Variants in CSMD1 observed in about 807,000 individuals in gnomAD.
CSMD1 encodes CUB and sushi domain-containing protein 1.
CSMD1 carries 213 observed loss-of-function variants against 417.5 expected under a neutral mutation model. The observed-to-expected ratio is 0.51, with a 90% CI of 0.46 to 0.57. The LOEUF is 0.57. Among genes scored for constraint, CSMD1 ranks in the 20% least tolerant of loss-of-function variants. The pLI, the probability that CSMD1 is intolerant of heterozygous loss-of-function variation, is 0.00. For synonymous variants in CSMD1, 2,862 were observed against 1,736.8 expected, an observed-to-expected ratio of 1.65 and a Z score of -16.11; for missense variants, 6,923 against 4,529.7, an observed-to-expected ratio of 1.53 and a Z score of -15.17.
At chr8:3,220,713 C>T (rs1798159109) in intron 28 of CSMD1, among the ~76,000 whole-genome samples, 1 of 152,106 alleles carries the variant, frequency 6.6e-6, no homozygotes, top group African/African-American at 2.4e-5. Context: ...CACCTGTAGT[C>T]CCAGCTGCTC....
At chr8:4,422,234 A>G (rs1039502913) in intron 2 of CSMD1, among the ~76,000 whole-genome samples, 12 of 151,082 alleles carry the variant, frequency 7.9e-5, no homozygotes, top group Admixed American at 2.0e-4. Flanking sequence ...CACTAATTCT[A>G]CACAGTCTCT....
chr8:4,905,683 G>A (rs568620490), intron 1 of CSMD1, among the ~76,000 whole-genome samples: 177 of 151,926 alleles, frequency 1.2e-3, no homozygotes, highest in Non-Finnish European at 1.8e-3. Flanking sequence ...AGCCGGGCGT[G>A]GTGGCGGGCG....
At chr8:3,198,307 G>A (rs1254679329) in intron 33 of CSMD1, among the ~76,000 whole-genome samples, 3 of 152,152 alleles carry the variant, frequency 2.0e-5, no homozygotes, top group Non-Finnish European at 4.4e-5. Context: ...GAGAAAAAAT[G>A]TTGAGGCAGC....
At chr8:3,977,698 T>C (rs1404475469) in intron 5 of CSMD1, among the ~76,000 whole-genome samples, 1 of 152,204 alleles carries the variant, frequency 6.6e-6, no homozygotes, top group Non-Finnish European at 1.5e-5. Context: ...CAACTTTCTC[T>C]TTCTGTCATA....
At chr8:3,141,971 G>A (rs149657590) in intron 41 of CSMD1, among the ~76,000 whole-genome samples, 1,640 of 151,976 alleles carry the variant, frequency 0.011, 22 homozygotes, top group African/African-American at 0.037. Context: ...CTAATTTTTG[G>A]TATTTTTAGT....
At chr8:3,599,882 T>C (rs918026053) in intron 8 of CSMD1, among the ~76,000 whole-genome samples, 4 of 152,178 alleles carry the variant, frequency 2.6e-5, no homozygotes, top group Admixed American at 2.0e-4. Flanking sequence ...TGGAGTGAGA[T>C]GGTTGACTAC....
At chr8:4,470,359 A>C (rs1379037143) in intron 2 of CSMD1, among the ~76,000 whole-genome samples, 1 of 152,152 alleles carries the variant, frequency 6.6e-6, no homozygotes, top group African/African-American at 2.4e-5. Context: ...TTCAACTCCC[A>C]ATGCTTCCTC....
intron 5 of CSMD1, among the ~76,000 whole-genome samples, chr8:3,916,022 C>T (rs989386917): frequency 4.6e-5 from 7 of 151,564 alleles, no homozygotes; most frequent in Non-Finnish European, 7.4e-5. Flanking sequence ...GAAAATGTCA[C>T]TGCAGACACA....
intron 11 of CSMD1, among the ~76,000 whole-genome samples, chr8:3,477,888 G>C (rs1400688716): frequency 6.6e-6 from 1 of 152,122 alleles, no homozygotes; most frequent in African/African-American, 2.4e-5. Context: ...CCACTGCAGA[G>C]GGCCAGGGCA....
At chr8:4,318,528 C>T (rs918005259) in intron 3 of CSMD1, among the ~76,000 whole-genome samples, 2 of 151,944 alleles carry the variant, frequency 1.3e-5, no homozygotes, top group African/African-American at 4.8e-5. Context: ...TGAGTAAGTA[C>T]TGATTAATAA....
At chr8:4,426,898 G>T (rs191243316) in intron 2 of CSMD1, among the ~76,000 whole-genome samples, 1 of 151,760 alleles carries the variant, frequency 6.6e-6, no homozygotes, top group Admixed American at 6.6e-5. Context: ...TCAGATGTCA[G>T]GTGTTTCAGC....
intron 7 of CSMD1, among the ~76,000 whole-genome samples, chr8:3,642,385 G>A (rs114241245): frequency 6.6e-6 from 1 of 152,076 alleles, no homozygotes; most frequent in Non-Finnish European, 1.5e-5. Flanking sequence ...ATAACCTTAA[G>A]TCCACTTTCC....
At chr8:3,691,130 G>T (rs1046055156) in intron 7 of CSMD1, among the ~76,000 whole-genome samples, 1 of 152,114 alleles carries the variant, frequency 6.6e-6, no homozygotes, top group Non-Finnish European at 1.5e-5. Context: ...ACTTTGGGAG[G>T]CCGGGGCAGG....
At chr8:4,040,134 G>T (rs563514429) in intron 3 of CSMD1, among the ~76,000 whole-genome samples, 1 of 152,204 alleles carries the variant, frequency 6.6e-6, no homozygotes, top group South Asian at 2.1e-4. Context: ...ATTTTTAAAG[G>T]GTATGAGAGT....
chr8:4,493,506 G>A (rs1801827615), intron 2 of CSMD1, among the ~76,000 whole-genome samples: 1 of 152,000 alleles, frequency 6.6e-6, no homozygotes. Flanking sequence ...GAACACCCTG[G>A]GTAACATATT....
intron 67 of CSMD1, among the ~76,000 whole-genome samples, chr8:2,949,836 G>T (rs1382053655): frequency 2.0e-5 from 3 of 152,072 alleles, no homozygotes; most frequent in Non-Finnish European, 2.9e-5. Flanking sequence ...GGTGTTAAGG[G>T]GGATGTCTTA....
chr8:4,130,288 C>A (rs572042615), intron 3 of CSMD1, among the ~76,000 whole-genome samples: 1 of 152,140 alleles, frequency 6.6e-6, no homozygotes, highest in Non-Finnish European at 1.5e-5. Flanking sequence ...ATTAGTTTAA[C>A]ATCTTTATTC....
chr8:4,280,318 G>A (rs1796709139), intron 3 of CSMD1, among the ~76,000 whole-genome samples: 1 of 152,088 alleles, frequency 6.6e-6, no homozygotes, highest in African/African-American at 2.4e-5. Context: ...GAAAGAGAGT[G>A]GATATGTTAC....
At chr8:4,060,558 A>T (rs1798919340) in intron 3 of CSMD1, among the ~76,000 whole-genome samples, 1 of 152,292 alleles carries the variant, frequency 6.6e-6, no homozygotes, top group African/African-American at 2.4e-5. Flanking sequence ...AATGGTTAAC[A>T]GTGCGAATGA....
Sources: gnomAD v4.1 joint callset for allele counts (sites outside exome capture counted in the v4.1 genomes callset) on GRCh38, gnomAD v4.1.1 for gene constraint, MANE v1.5 for transcripts, NCBI Gene and HGNC (gene_info 2026-07-23, HGNC 2026-07-21) for gene names.